CDH12: variants seen among roughly 807,000 people sequenced by gnomAD.
CDH12 encodes the protein cadherin 12, also known as cadherin-12.
CDH12 carries 41 observed loss-of-function variants against 74.1 expected under a neutral mutation model. That is an observed-to-expected ratio of 0.55 (90% CI 0.43 to 0.72). CDH12 has a LOEUF of 0.72. Among genes scored for constraint, CDH12 ranks in the 30% least tolerant of loss-of-function variants. CDH12 has a pLI of 0.00. For missense variants in CDH12, 945 were observed against 977.2 expected (o/e 0.97, Z 0.44); for synonymous variants, 399 against 355.0 (o/e 1.12, Z -1.39).
chr5:22,517,718 GTTTA>G (rs1257315852), intron 1 of CDH12, among the ~76,000 whole-genome samples: 1 of 152,022 alleles, frequency 6.6e-6, no homozygotes, highest in Non-Finnish European at 1.5e-5. Context: ...TTCAGCTTAC[GTTTA>G]TTTATTTTTT....
chr5:22,358,485 G>A (rs571281389), intron 3 of CDH12, among the ~76,000 whole-genome samples: 7 of 152,118 alleles, frequency 4.6e-5, no homozygotes, highest in African/African-American at 1.7e-4. Context: ...AATGGCTGAT[G>A]TTTTCAGTTC....
intron 3 of CDH12, among the ~76,000 whole-genome samples, chr5:22,316,695 G>A (rs1020629184): frequency 6.6e-6 from 1 of 151,794 alleles, no homozygotes; most frequent in Non-Finnish European, 1.5e-5. Flanking sequence ...TAATGTTTAT[G>A]TTGTTATTTT....
At chr5:22,564,646 T>C (rs181373617) in intron 1 of CDH12, among the ~76,000 whole-genome samples, 27 of 152,326 alleles carry the variant, frequency 1.8e-4, no homozygotes, top group Non-Finnish European at 3.2e-4. Context: ...TGATTTTTGA[T>C]TTGTTTTCTA....
At chr5:22,644,610 G>C (rs1465350494) in intron 1 of CDH12, among the ~76,000 whole-genome samples, 1 of 151,884 alleles carries the variant, frequency 6.6e-6, no homozygotes, top group South Asian at 2.1e-4. Context: ...GCAAGATAAG[G>C]CAGTAAGTGC....
chr5:22,529,253 A>G (rs1737475451), intron 1 of CDH12, among the ~76,000 whole-genome samples: 1 of 149,626 alleles, frequency 6.7e-6, no homozygotes. Flanking sequence ...TATTATAAGA[A>G]GCTGGTTCAA....
At position 22,345,387 on chromosome 5, in the gene CDH12, T is replaced by C. The variant is rs533419758; in HGVS notation, c.-333+59870A>G. On this transcript the variant is annotated intron_variant, in intron 3 of 14. Coordinates refer to ENST00000382254, the MANE Select transcript of CDH12 (RefSeq NM_004061.5). ...TTCTCTTTTTTTCTCTTGAAGTGTA[T>C]ACCTTGTTAAACTGTATGCATTGTT... 5.3e-5 allele frequency among the ~76,000 whole-genome samples: 8 copies of C among 152,304 alleles called. No homozygotes were observed. In the South Asian group the frequency reaches 1.4e-3, roughly 28 times the overall value.
At chr5:21,901,552 A>G (rs1293501486) in intron 6 of CDH12, among the ~76,000 whole-genome samples, 1 of 152,196 alleles carries the variant, frequency 6.6e-6, no homozygotes, top group Non-Finnish European at 1.5e-5. Flanking sequence ...TGTCACTGGA[A>G]CTACTGCTTC....
chr5:22,030,718 CT>C (rs1738757032), intron 5 of CDH12, among the ~76,000 whole-genome samples: 2 of 152,208 alleles, frequency 1.3e-5, no homozygotes, highest in Non-Finnish European at 2.9e-5. Flanking sequence ...CAGGCATTGA[CT>C]TCCCCTGTCT....
At chr5:22,625,631 G>A (rs919739183) in intron 1 of CDH12, among the ~76,000 whole-genome samples, 3 of 152,262 alleles carry the variant, frequency 2.0e-5, no homozygotes, top group Admixed American at 6.5e-5. Flanking sequence ...GAGCATGGCC[G>A]TCTTGCCCAG....
At chr5:22,815,920 T>C (rs1043724702) in intron 1 of CDH12, among the ~76,000 whole-genome samples, 3 of 151,438 alleles carry the variant, frequency 2.0e-5, no homozygotes, top group Admixed American at 6.6e-5. Flanking sequence ...AGAAGAAAAA[T>C]TAATTATGTT....
At chr5:22,598,368 G>A (rs1020184463) in intron 1 of CDH12, among the ~76,000 whole-genome samples, 3 of 152,160 alleles carry the variant, frequency 2.0e-5, no homozygotes, top group Non-Finnish European at 4.4e-5. Flanking sequence ...CTGTTCTCCT[G>A]ATAATAAGTG....
chr5:21,874,600 G>A (rs1194505139), intron 6 of CDH12, among the ~76,000 whole-genome samples: 1 of 152,106 alleles, frequency 6.6e-6, no homozygotes, highest in African/African-American at 2.4e-5. Context: ...CCCATTGTAT[G>A]GGAGCTCTGT....
chr5:22,344,248 C>A (rs1422168367), intron 3 of CDH12, among the ~76,000 whole-genome samples: 4 of 151,966 alleles, frequency 2.6e-5, no homozygotes, highest in African/African-American at 9.7e-5. Context: ...TTCTTGTGAG[C>A]CTTAAGGAAA....
At chr5:21,854,379 A>C (rs185882669) in intron 7 of CDH12, among the ~76,000 whole-genome samples, 378 of 151,866 alleles carry the variant, frequency 2.5e-3, no homozygotes, top group Non-Finnish European at 3.9e-3. Flanking sequence ...TATAGCTGGA[A>C]GAATTTGTTT....
At position 22,654,181 on chromosome 5, in the gene CDH12, C is replaced by CTTTCTTTCTTTCTTTCT. The variant is rs1199715911; in HGVS notation, c.-522-148834_-522-148818dup. 4.7e-4 allele frequency among the ~76,000 whole-genome samples: 62 copies of CTTTCTTTCTTTCTTTCT among 133,054 alleles called. 1 individual carries two copies. The highest frequency in any genetic ancestry group is 1.9e-3 in the Admixed American group (26 of 13,482). The allele number at this position is 133,054 out of a possible 152,430, so 87.3% of individuals were successfully genotyped here. On this transcript the variant is annotated intron_variant, in intron 1 of 14. Coordinates refer to ENST00000382254, the MANE Select transcript of CDH12 (RefSeq NM_004061.5). ...CCTTCCCTCCCTTCCTTCCTTTCTT[C>CTTTCTTTCTTTCTTTCT]TTTCTTTCTTTCTTTCTTTTCTTTC...
intron 1 of CDH12, among the ~76,000 whole-genome samples, chr5:22,721,580 C>A (rs1199354662): frequency 6.6e-6 from 1 of 152,072 alleles, no homozygotes; most frequent in Non-Finnish European, 1.5e-5. Flanking sequence ...TGAGTTGAGA[C>A]TTTGGAGGAC....
intron 3 of CDH12, among the ~76,000 whole-genome samples, chr5:22,265,023 A>G (rs1049075931): frequency 1.3e-5 from 2 of 152,190 alleles, no homozygotes; most frequent in Non-Finnish European, 2.9e-5. Context: ...TTTTCTCTAA[A>G]TAAGTTTTTG....
At chr5:22,678,198 T>G (rs1741314293) in intron 1 of CDH12, among the ~76,000 whole-genome samples, 1 of 152,032 alleles carries the variant, frequency 6.6e-6, no homozygotes, top group Admixed American at 6.6e-5. Context: ...AACCGACATT[T>G]ACTGTAAAAA....
At chr5:22,410,067 A>C (rs1199386865) in intron 2 of CDH12, among the ~76,000 whole-genome samples, 1 of 152,116 alleles carries the variant, frequency 6.6e-6, no homozygotes, top group Non-Finnish European at 1.5e-5. Flanking sequence ...TGAATAGTAA[A>C]AATGACAGGA....
Sources: allele counts gnomAD v4.1 joint callset (sites outside exome capture counted in the v4.1 genomes callset), GRCh38; gene constraint gnomAD v4.1.1; transcripts MANE v1.5; gene names NCBI Gene and HGNC (gene_info 2026-07-23, HGNC 2026-07-21).